DYTN: variants seen among roughly 807,000 people sequenced by gnomAD.
DYTN encodes the protein dystrotelin.
Under a neutral mutation model 69.6 loss-of-function variants are expected in DYTN, and 75 were observed. That is an observed-to-expected ratio of 1.08 (90% CI 0.89 to 1.31). The LOEUF is 1.31. Ranked by LOEUF, DYTN falls within the 50% of genes most tolerant of loss-of-function variation. The pLI is 0.00. For missense variants in DYTN, 726 were observed against 688.4 expected, an observed-to-expected ratio of 1.05 and a Z score of -0.61; for synonymous variants, 252 against 249.1, an observed-to-expected ratio of 1.01 and a Z score of -0.11.
In DYTN at chr2:206,700,233, C is replaced by T; in HGVS notation, c.484-17G>A. 2.5e-6 allele frequency: 4 copies of T among 1,613,446 alleles called. No individual in the cohort carries two copies. The highest frequency in any genetic ancestry group is 3.4e-6 in the Non-Finnish European group (4 of 1,179,436). On this transcript the variant is annotated splice_polypyrimidine_tract_variant and intron_variant, in intron 5 of 11. Coordinates refer to ENST00000452335, the MANE Select transcript of DYTN (RefSeq NM_001093730.1). ...AGTTGGGATCTGCAAGAGACAACCT[C>T]ATCTTAGCTGTTAGAAAGTGGAGAA...
intron 2 of DYTN, 73 bp from the exon 3 acceptor site, chr2:206,707,576 A>G (rs1700040188): frequency 4.8e-6 from 7 of 1,444,256 alleles, no homozygotes; most frequent in Non-Finnish European, 6.6e-6. Flanking sequence ...AGCAAATGTC[A>G]TTTGGTGTTT....
chr2:206,692,429 T>C (rs921293909), intron 9 of DYTN, among the ~76,000 whole-genome samples: 1 of 152,266 alleles, frequency 6.6e-6, no homozygotes, highest in South Asian at 2.1e-4. Context: ...GCTGTGCCCC[T>C]CTGGAGCACA....
chr2:206,700,262 T>C (rs776474177), intron 5 of DYTN, 46 bp from the exon 6 acceptor site: 124 of 1,607,010 alleles, frequency 7.7e-5, no homozygotes, highest in Admixed American at 1.8e-4. Flanking sequence ...TGGAGAAATA[T>C]GTCGTCTCCG....
chr2:206,677,509 T>G (rs1181195091), intron 9 of DYTN, among the ~76,000 whole-genome samples: 2 of 152,118 alleles, frequency 1.3e-5, no homozygotes, highest in African/African-American at 4.8e-5. Context: ...AAAAAAGGAA[T>G]AGGGGACTCT....
At position 206,699,735 on chromosome 2, in the gene DYTN, C is replaced by T. The variant is rs756150601; in HGVS notation, c.711G>A (p.Thr237=). ...GCTGCTGATGACTGTACCTGAGTCC[C>T]GTGATTGGGAAAGTCCTGCAGAGAG... The part of the protein sequence containing the change: ...RCTLCRTFPI[T]GLRYRCLKCL... The change falls in exon 7 of 12, where the codon ACG becomes ACA. Residue 237 remains threonine, a synonymous_variant. Transcript: ENST00000452335. 17 of 1,612,532 alleles carry T rather than the reference C, an allele frequency of 1.1e-5. No individual in the cohort carries two copies. The highest frequency in any genetic ancestry group is 3.3e-5 in the Admixed American group (2 of 59,732).
intron 11 of DYTN, among the ~76,000 whole-genome samples, chr2:206,653,162 C>G (rs1699407124): frequency 6.6e-6 from 1 of 152,156 alleles, no homozygotes; most frequent in Non-Finnish European, 1.5e-5. Context: ...AAACCTTGTC[C>G]AGAGGCAAAC....
intron 9 of DYTN, among the ~76,000 whole-genome samples, chr2:206,673,899 T>C (rs1348791389): frequency 6.6e-6 from 1 of 152,190 alleles, no homozygotes; most frequent in East Asian, 1.9e-4. Flanking sequence ...TAAATGAGAA[T>C]AGGCTTTGTG....
At chr2:206,698,037 G>A (rs1301885515) in intron 7 of DYTN, among the ~76,000 whole-genome samples, 1 of 152,154 alleles carries the variant, frequency 6.6e-6, no homozygotes, top group Non-Finnish European at 1.5e-5. Context: ...ACCTAGGGCA[G>A]GACTTGCAGT....
At chr2:206,706,009 T>G in intron 3 of DYTN, 136 bp from the exon 4 acceptor site, 1 of 781,216 alleles carries the variant, frequency 1.3e-6, no homozygotes, top group Non-Finnish European at 2.1e-6. Flanking sequence ...TGGCCTCTTA[T>G]CCTATACCTA....
chr2:206,707,436 C>T lies in DYTN; in HGVS notation c.162G>A (p.Lys54=), dbSNP rs1700038706. 6.2e-7 allele frequency: 1 copy of T among 1,613,030 alleles called. No individual in the cohort carries two copies. Among genetic ancestry groups the T allele is most frequent in the East Asian group, 2.2e-5 (1 of 44,854 alleles). Residue 54 remains lysine (K), a synonymous_variant, in exon 3 of 12, where the codon AAG becomes AAA. Coordinates refer to ENST00000452335, the MANE Select transcript of DYTN (RefSeq NM_001093730.1). ...AAAGTTGCTGCACAGAAAGGGAGTG[C>T]TTGCGAGCTTCCCAGAAACTTGGAC... The part of the protein sequence containing the change: ...LLRPSFWEAR[K]HSLSVQQLSQ...
At chr2:206,700,042 T>C (rs1380809669) in intron 6 of DYTN, 103 bp downstream of exon 6, 3 of 1,556,816 alleles carry the variant, frequency 1.9e-6, no homozygotes, top group African/African-American at 1.4e-5. Context: ...TTATCTGAGA[T>C]GCTATGTGGA....
chr2:206,662,866 T>TGGC, intron 11 of DYTN, 37 bp downstream of exon 11: 2 of 1,571,678 alleles, frequency 1.3e-6, no homozygotes, highest in Non-Finnish European at 8.6e-7. Flanking sequence ...CTTGAATCCT[T>TGGC]GGCCATCACG....
intron 11 of DYTN, among the ~76,000 whole-genome samples, chr2:206,653,530 C>T (rs114983440): frequency 8.5e-4 from 130 of 152,078 alleles, no homozygotes; most frequent in Non-Finnish European, 1.3e-3. Context: ...ATCTAGTCTT[C>T]GAATAAATCA....
intron 11 of DYTN, 27 bp downstream of exon 11, chr2:206,662,876 G>A (rs372780254): frequency 2.5e-4 from 400 of 1,580,944 alleles, no homozygotes; most frequent in Non-Finnish European, 3.2e-4. Flanking sequence ...TGGCCATCAC[G>A]ATGTCTATGG....
chr2:206,667,920 T>C (rs1027919098), intron 9 of DYTN, among the ~76,000 whole-genome samples: 1 of 152,196 alleles, frequency 6.6e-6, no homozygotes, highest in Non-Finnish European at 1.5e-5. Context: ...CCTAATTGCA[T>C]AGAGCTTGGG....
chr2:206,662,664 T>C (rs903929315), intron 11 of DYTN, among the ~76,000 whole-genome samples: 13 of 151,578 alleles, frequency 8.6e-5, no homozygotes, highest in African/African-American at 2.4e-4. Context: ...GAATGCTCAC[T>C]ATATGCCAGG....
intron 9 of DYTN, among the ~76,000 whole-genome samples, chr2:206,669,695 C>G (rs543057216): frequency 7.2e-5 from 11 of 152,064 alleles, no homozygotes; most frequent in African/African-American, 2.2e-4. Flanking sequence ...TTTAATATAG[C>G]CTTTCTAGTG....
intron 9 of DYTN, among the ~76,000 whole-genome samples, chr2:206,683,778 C>T (rs994365973): frequency 7.9e-5 from 12 of 152,180 alleles, no homozygotes; most frequent in African/African-American, 2.6e-4. Flanking sequence ...AGCATGCCCC[C>T]ACTTGGTGCT....
intron 1 of DYTN, among the ~76,000 whole-genome samples, chr2:206,717,162 A>G (rs1700138105): frequency 6.6e-6 from 1 of 152,238 alleles, no homozygotes; most frequent in Non-Finnish European, 1.5e-5. Flanking sequence ...TTAAAGAAAT[A>G]GTAACACAAG....
Sources: allele counts gnomAD v4.1 joint callset (sites outside exome capture counted in the v4.1 genomes callset), GRCh38; gene constraint gnomAD v4.1.1; transcripts MANE v1.5; gene names NCBI Gene and HGNC (gene_info 2026-07-23, HGNC 2026-07-21).